Variants in DNAH1 observed in about 807,000 individuals in gnomAD.
The protein encoded by DNAH1 is axonemal beta dynein heavy chain 1.
In DNAH1, 327 loss-of-function variants were observed where a neutral mutation model predicts 484.3. The observed-to-expected ratio is 0.68, with a 90% CI of 0.62 to 0.74. The LOEUF (loss-of-function observed/expected upper bound fraction) is 0.74. DNAH1 is among the 30% of genes least tolerant of loss of function. The probability of loss-of-function intolerance (pLI) is 0.00; values close to 1 mark genes in which losing one functional copy is unlikely to be tolerated. For synonymous variants in DNAH1, 2,192 were observed against 2,191.9 expected, an observed-to-expected ratio of 1.00 and a Z score of 0.00; for missense variants, 5,052 against 5,546.8, an observed-to-expected ratio of 0.91 and a Z score of 2.83.
At position 52,386,545 on chromosome 3, in the gene DNAH1, T is replaced by C. The variant is rs1012358884; in HGVS notation, c.8812-117T>C. 92 of 1,300,410 alleles carry C rather than the reference T, an allele frequency of 7.1e-5. No homozygotes were observed. The East Asian group carries it at 2.3e-3, about 33-fold the overall frequency. The allele number at this position is 1,300,410 out of a possible 1,614,324, so 80.6% of individuals were successfully genotyped here. On this transcript the variant is annotated intron_variant, in intron 55 of 77. Transcript: ENST00000420323. ...GCCAACCTCGGTGGATCTCTGGATA[T>C]GCCCGTGTCCTGTGGTAGTAGAGAC...
intron 65 of DNAH1, 107 bp downstream of exon 65, chr3:52,393,132 T>G: frequency 1.4e-6 from 2 of 1,454,962 alleles, no homozygotes; most frequent in Admixed American, 3.6e-5. Context: ...TGGCGTACAC[T>G]CTCCTCTTAG....
At chr3:52,366,977 G>A in intron 36 of DNAH1, 90 bp downstream of exon 36, 2 of 1,462,420 alleles carry the variant, frequency 1.4e-6, no homozygotes, top group Non-Finnish European at 1.8e-6. Flanking sequence ...CATTAGCCCA[G>A]TGGAAGGCCG....
chr3:52,337,274 T>C (rs1013512885), intron 8 of DNAH1, among the ~76,000 whole-genome samples: 5 of 152,200 alleles, frequency 3.3e-5, no homozygotes, highest in African/African-American at 1.2e-4. Context: ...TGTACATTGA[T>C]TTTGTTTCCC....
rs1704366783 is a variant in DNAH1, at chr3:52,391,271, C to T, written c.9834C>T (p.Leu3278=). 6.2e-7 allele frequency: 1 copy of T among 1,613,450 alleles called. No individual in the cohort carries two copies. The highest frequency in any genetic ancestry group is 1.1e-5 in the South Asian group (1 of 90,982). Residue 3278 remains leucine, a synonymous_variant, in exon 62 of 78, where the codon CTC becomes CTT. Coordinates refer to ENST00000420323, the MANE Select transcript of DNAH1 (RefSeq NM_015512.5). Reference sequence around the variant, plus strand: ...CCATCCGCTTTGGCAAGCCATGTCTCCTGGAGAACGTGGGCGAGGAGCTAG... The same window carrying T: ...CCATCCGCTTTGGCAAGCCATGTCTTCTGGAGAACGTGGGCGAGGAGCTAG... The part of the protein sequence containing the change: ...ENAIRFGKPC[L]LENVGEELDP...
chr3:52,377,227 A>G (rs1295537275), intron 46 of DNAH1, among the ~76,000 whole-genome samples: 1 of 151,848 alleles, frequency 6.6e-6, no homozygotes, highest in Non-Finnish European at 1.5e-5. Flanking sequence ...CACTCTTCCC[A>G]TCTCAGGCAA....
Position 52,386,785 on chromosome 3 carries a change from TG to T in DNAH1, c.8938del (p.Glu2980SerfsTer29). Reference protein sequence around the residue: ...EKPGTKVDDYWEPGKGLLQDP... With the variant: ...EKPGTKVDDYXEPGKGLLQDP... ...GCCAGGCACCAAGGTGGATGACTAC[TG>T]GGAGCCTGGCAAGGGGCTGCTGCAG... On this transcript the variant is annotated frameshift_variant, in exon 56 of 78. Coordinates refer to ENST00000420323, the MANE Select transcript of DNAH1 (RefSeq NM_015512.5). LOFTEE classifies it high-confidence loss of function. 8 of 1,591,488 alleles carry T rather than the reference TG, an allele frequency of 5.0e-6. No homozygotes were observed. The highest frequency in any genetic ancestry group is 6.8e-6 in the Non-Finnish European group (8 of 1,169,288).
chr3:52,346,888 A>G, intron 11 of DNAH1, 118 bp downstream of exon 11: 1 of 1,154,058 alleles, frequency 8.7e-7, no homozygotes, highest in Non-Finnish European at 1.2e-6. Flanking sequence ...CCCAGGCAGT[A>G]AGGAGAGCCG....
chr3:52,340,309 T>C (rs1387514083), intron 8 of DNAH1, among the ~76,000 whole-genome samples: 1 of 152,164 alleles, frequency 6.6e-6, no homozygotes, highest in Non-Finnish European at 1.5e-5. Context: ...CTCGAATTCC[T>C]GGGCTCAATT....
chr3:52,359,147 G>A (rs1036422722), intron 25 of DNAH1, 99 bp from the exon 26 acceptor site: 7 of 1,489,788 alleles, frequency 4.7e-6, no homozygotes, highest in Non-Finnish European at 6.3e-6. Flanking sequence ...CTGGAGCCAA[G>A]TCTGAAAGGC....
Position 52,331,231 on chromosome 3 carries a change from G to C in DNAH1, c.955G>C (p.Val319Leu). The stretch of plus-strand genomic sequence containing the variant: ...CGACGAGGAGAAGAAGCTATACCTG[G>C]TACACAAGACAGACGAGAAAGGCCT... ...DYDEEKKLYL[V>L]HKTDEKGLVR... The change falls in exon 7 of 78, where the codon GTA (valine) becomes CTA (leucine). Residue 319 changes from valine to leucine, a missense_variant. This residue lies in a region of DNAH1 where 1,263 missense variants were observed against 1,218.8 expected (regional missense o/e 1.04). Transcript: ENST00000420323. The C allele has an allele frequency of 6.2e-7, 1 of 1,611,192 alleles. No individual in the cohort carries two copies. Among genetic ancestry groups the C allele is most frequent in the Non-Finnish European group, 8.5e-7 (1 of 1,178,790 alleles).
rs2153224913 is a variant in DNAH1, at chr3:52,375,343, C to T, written c.7089C>T (p.Tyr2363=). ...VTPRLMRHFN[Y]LSFAEMDEVS... ...CGCGGCTGATGCGTCACTTCAACTA[C>T]CTGTCTTTCGCTGAGATGGACGAGG... The change falls in exon 45 of 78, where the codon TAC becomes TAT. Residue 2363 remains tyrosine, a synonymous_variant. Transcript: ENST00000420323. 1 of 1,613,682 alleles carries T rather than the reference C, an allele frequency of 6.2e-7. No individual in the cohort carries two copies. The highest frequency in any genetic ancestry group is 1.1e-5 in the South Asian group (1 of 90,966).
At chr3:52,344,355 G>A (rs945054828) in intron 8 of DNAH1, 135 bp from the exon 9 acceptor site, 2 of 1,070,386 alleles carry the variant, frequency 1.9e-6, no homozygotes, top group East Asian at 2.7e-5. Context: ...GGCCGGGTGG[G>A]GGTGTGCCCA....
chr3:52,373,556 C>T (rs938135047), intron 44 of DNAH1: 37 of 1,477,866 alleles, frequency 2.5e-5, no homozygotes, highest in South Asian at 6.9e-5. Flanking sequence ...TAAAAGTACC[C>T]GTCTCTCAGC....
In DNAH1 at chr3:52,353,551, G is replaced by A; in HGVS notation, c.3398G>A (p.Cys1133Tyr). ...RPKANLTFAR[C>Y]LEMNLQDHIE... ...AAGGCCAACCTGACCTTTGCTCGCTGCCTGGAGATGAACCTGCAGGACCAT... is the reference window on the plus strand; with the variant it reads ...AAGGCCAACCTGACCTTTGCTCGCTACCTGGAGATGAACCTGCAGGACCAT... Residue 1133 changes from cysteine to tyrosine, a missense_variant, in exon 20 of 78, where the codon TGC becomes TAC. Coordinates refer to ENST00000420323, the MANE Select transcript of DNAH1 (RefSeq NM_015512.5). The surrounding 1 kb of genome is among the most constrained non-coding windows in gnomAD (Gnocchi z 5.0). 6.2e-7 allele frequency: 1 copy of A among 1,613,504 alleles called. No homozygotes were observed. The highest frequency in any genetic ancestry group is 2.2e-5 in the East Asian group (1 of 44,868).
intron 36 of DNAH1, among the ~76,000 whole-genome samples, chr3:52,367,304 T>C (rs1451870509): frequency 1.3e-5 from 2 of 152,082 alleles, no homozygotes; most frequent in Admixed American, 1.3e-4. Flanking sequence ...CTCAGGGGCT[T>C]TTCTCTAAGG....
rs373060892 is a variant in DNAH1 at position 52,338,651 on chromosome 3, A to G, written c.1287-5839A>G. On this transcript the variant is annotated intron_variant, in intron 8 of 77. Coordinates refer to ENST00000420323, the MANE Select transcript of DNAH1 (RefSeq NM_015512.5). Reference sequence around the variant, plus strand: ...GAAGGACAGCTTGACCAGATATAAAATTCTTAGTTCACAACTTTTATTCTA... The same window carrying G: ...GAAGGACAGCTTGACCAGATATAAAGTTCTTAGTTCACAACTTTTATTCTA... 2.0e-5 allele frequency among the ~76,000 whole-genome samples: 3 copies of G among 152,140 alleles called. No individual in the cohort carries two copies. In the East Asian group the frequency reaches 5.8e-4, roughly 29 times the overall value.
intron 5 of DNAH1, 75 bp from the exon 6 acceptor site, chr3:52,327,807 C>G: frequency 6.4e-7 from 1 of 1,574,076 alleles, no homozygotes; most frequent in African/African-American, 1.3e-5. Flanking sequence ...GCACCCCATC[C>G]TTTGGCACAC....
Position 52,394,578 on chromosome 3 carries a change from G to A in DNAH1, c.10740G>A (p.Leu3580=). The change falls in exon 67 of 78, where the codon CTG becomes CTA. Residue 3580 remains leucine (L), a synonymous_variant. Coordinates refer to ENST00000420323, the MANE Select transcript of DNAH1 (RefSeq NM_015512.5). ...GAGACATCCTAGCACTCTCGAACCT[G>A]CCAACCTTTTCCTCCTTCTCTTCCG... ...AWRDILALSN[L]PTFSSFSSDF... 3 of 1,611,264 alleles carry A rather than the reference G, an allele frequency of 1.9e-6. No individual in the cohort carries two copies. Among genetic ancestry groups the A allele is most frequent in the South Asian group, 1.1e-5 (1 of 90,806 alleles).
rs1700952526 is a variant in DNAH1 at position 52,316,415 on chromosome 3, T to C, written c.-165T>C. ...TCCCTTCTAAGAGCTGTGGACACCT[T>C]GCCTCCAGTTCCCCTCACAGTCCTT... On this transcript the variant is annotated 5_prime_UTR_variant, in exon 1 of 78. Transcript: ENST00000420323. 6.6e-6 allele frequency: 1 copy of C among 152,348 alleles called. No homozygotes were observed. The allele number at this position is 152,348 out of a possible 1,614,324, so 9.4% of individuals were successfully genotyped here.
Sources: allele counts gnomAD v4.1 joint callset (sites outside exome capture counted in the v4.1 genomes callset), GRCh38; gene constraint gnomAD v4.1.1; regional missense constraint gnomAD v4.1.1; non-coding constraint Gnocchi (gnomAD v3.1); transcripts MANE v1.5; gene names NCBI Gene and HGNC (gene_info 2026-07-23, HGNC 2026-07-21).